Variants in ST3GAL1 observed in about 807,000 individuals in gnomAD.
The protein encoded by ST3GAL1 is ST3 beta-galactoside alpha-2,3-sialyltransferase 1, also known as CMP-N-acetylneuraminate-beta-galactosamide-alpha-2,3-sialyltransferase 1.
Under a neutral mutation model 34.1 loss-of-function variants are expected in ST3GAL1, and 16 were observed. That is an observed-to-expected ratio of 0.47 (90% CI 0.32 to 0.71). ST3GAL1 has a LOEUF of 0.71. Among genes scored for constraint, ST3GAL1 ranks in the 30% least tolerant of loss-of-function variants. The pLI is 0.04. For synonymous variants in ST3GAL1, 191 were observed against 184.7 expected, an observed-to-expected ratio of 1.03 and a Z score of -0.28; for missense variants, 353 against 447.4, an observed-to-expected ratio of 0.79 and a Z score of 1.90.
intron 1 of ST3GAL1, among the ~76,000 whole-genome samples, chr8:133,550,957 G>A (rs1440303356): frequency 6.6e-6 from 1 of 152,174 alleles, no homozygotes; most frequent in Non-Finnish European, 1.5e-5. Context: ...ACCACTCCTG[G>A]AGGAGCAGGG....
At chr8:133,568,892 C>G (rs1819482485) in intron 1 of ST3GAL1, among the ~76,000 whole-genome samples, 3 of 152,130 alleles carry the variant, frequency 2.0e-5, no homozygotes, top group African/African-American at 7.2e-5. Context: ...AGCTCACAGA[C>G]GACTTCATCC....
intron 2 of ST3GAL1, among the ~76,000 whole-genome samples, chr8:133,507,553 G>A (rs772000639): frequency 6.6e-6 from 1 of 152,208 alleles, no homozygotes. Context: ...TCTCGGGGTT[G>A]CTGGGAAAGT....
chr8:133,537,813 G>A (rs1359507187), intron 2 of ST3GAL1, among the ~76,000 whole-genome samples: 8 of 152,340 alleles, frequency 5.3e-5, no homozygotes, highest in Non-Finnish European at 1.0e-4. Flanking sequence ...CACAGGGCCC[G>A]GCTGTCTTGG....
At chr8:133,529,999 T>G (rs1185093667) in intron 2 of ST3GAL1, among the ~76,000 whole-genome samples, 5 of 152,250 alleles carry the variant, frequency 3.3e-5, no homozygotes, top group African/African-American at 1.2e-4. Context: ...TTGTTATTTA[T>G]TAGAAGTCTC....
intron 1 of ST3GAL1, among the ~76,000 whole-genome samples, chr8:133,552,378 A>G (rs1818888210): frequency 6.6e-6 from 1 of 152,220 alleles, no homozygotes; most frequent in African/African-American, 2.4e-5. Flanking sequence ...TGAGTGAGGA[A>G]TGGTGAGAGG....
At chr8:133,484,493 C>T (rs536572807) in intron 3 of ST3GAL1, among the ~76,000 whole-genome samples, 2 of 152,272 alleles carry the variant, frequency 1.3e-5, no homozygotes, top group East Asian at 1.9e-4. Flanking sequence ...AATGTCTAAA[C>T]GTTTCTTTCC....
intron 3 of ST3GAL1, among the ~76,000 whole-genome samples, chr8:133,479,943 A>C (rs1455999025): frequency 6.6e-6 from 1 of 152,222 alleles, no homozygotes; most frequent in Non-Finnish European, 1.5e-5. Flanking sequence ...GTGCTCTAGC[A>C]AGCGTGGGGC....
At chr8:133,505,888 A>C (rs753427360) in intron 2 of ST3GAL1, among the ~76,000 whole-genome samples, 2 of 152,200 alleles carry the variant, frequency 1.3e-5, no homozygotes, top group African/African-American at 2.4e-5. Flanking sequence ...GGCGTGAGCC[A>C]CTGCACTCAC....
At chr8:133,540,902 T>TATAGACATATAG (rs1818472325) in intron 2 of ST3GAL1, among the ~76,000 whole-genome samples, 2 of 133,898 alleles carry the variant, frequency 1.5e-5, no homozygotes, top group Admixed American at 7.5e-5. Flanking sequence ...TAGACATATA[T>TATAGACATATAG]ATAGACATAT....
chr8:133,544,059 T>C (rs1586657313), intron 2 of ST3GAL1: 1 of 152,246 alleles, frequency 6.6e-6, no homozygotes, highest in East Asian at 1.9e-4. Context: ...CAATTGGATC[T>C]TTTCTCATCA....
At position 133,556,705 on chromosome 8, in the gene ST3GAL1, C is replaced by T. The variant is rs1415560537; in HGVS notation, c.-581-10779G>A. Reference sequence around the variant, plus strand: ...AAAGAAAACTATTAGCCATGGAAACCTTGCACCCAAGGACACGGCTGACAT... The same window carrying T: ...AAAGAAAACTATTAGCCATGGAAACTTTGCACCCAAGGACACGGCTGACAT... On this transcript the variant is annotated intron_variant, in intron 1 of 9. Coordinates refer to ENST00000522652, the MANE Select transcript of ST3GAL1 (RefSeq NM_173344.3). This position sits in a 1 kb window ranked among gnomAD's most constrained non-coding sequence, Gnocchi z 8.9. 2.0e-5 allele frequency among the ~76,000 whole-genome samples: 3 copies of T among 152,162 alleles called. No individual in the cohort carries two copies. The highest frequency in any genetic ancestry group is 7.2e-5 in the African/African-American group (3 of 41,442).
chr8:133,546,401 T>G (rs915238877), intron 1 of ST3GAL1, among the ~76,000 whole-genome samples: 8 of 150,818 alleles, frequency 5.3e-5, no homozygotes, highest in African/African-American at 1.7e-4. Context: ...GAGAATTGCT[T>G]GAACCTGGGA....
At chr8:133,561,763 C>T (rs1374539263) in intron 1 of ST3GAL1, among the ~76,000 whole-genome samples, 1 of 152,040 alleles carries the variant, frequency 6.6e-6, no homozygotes, top group Non-Finnish European at 1.5e-5. Context: ...GGGCTCAAGG[C>T]CTAGATCTGC....
intron 3 of ST3GAL1, among the ~76,000 whole-genome samples, chr8:133,488,756 C>T (rs1261161522): frequency 6.6e-6 from 1 of 152,140 alleles, no homozygotes; most frequent in Non-Finnish European, 1.5e-5. Flanking sequence ...TGAGAGCCTC[C>T]CAGGCAGGGG....
chr8:133,539,183 G>A (rs995733775), intron 2 of ST3GAL1, among the ~76,000 whole-genome samples: 1 of 152,178 alleles, frequency 6.6e-6, no homozygotes, highest in South Asian at 2.1e-4. Context: ...AAGTGCCTTC[G>A]AAAATCCCAG....
intron 3 of ST3GAL1, among the ~76,000 whole-genome samples, chr8:133,491,997 G>A (rs926691842): frequency 5.3e-5 from 8 of 152,144 alleles, no homozygotes; most frequent in African/African-American, 1.4e-4. Context: ...TGGGAGGAGC[G>A]AAAACATGGG....
chr8:133,553,046 C>A (rs757501508), intron 1 of ST3GAL1, among the ~76,000 whole-genome samples: 9 of 152,092 alleles, frequency 5.9e-5, no homozygotes, highest in Non-Finnish European at 1.2e-4. Context: ...AACACAATAT[C>A]CCTTTGTGCT....
chr8:133,463,468 G>A lies in ST3GAL1; in HGVS notation c.684-9C>T, dbSNP rs368035549. 7 of 1,613,802 alleles carry A rather than the reference G, an allele frequency of 4.3e-6. No individual in the cohort carries two copies. The highest frequency in any genetic ancestry group is 5.1e-6 in the Non-Finnish European group (6 of 1,179,958). ...GAACCGGGATGTAGGTGCTGCAGTTGGAGAAAGAGAAGCTGGTTAATGGGG... is the reference window on the plus strand; with the variant it reads ...GAACCGGGATGTAGGTGCTGCAGTTAGAGAAAGAGAAGCTGGTTAATGGGG... On this transcript the variant is annotated splice_polypyrimidine_tract_variant and intron_variant, in intron 7 of 9. Coordinates refer to ENST00000522652, the MANE Select transcript of ST3GAL1 (RefSeq NM_173344.3).
intron 3 of ST3GAL1, among the ~76,000 whole-genome samples, chr8:133,482,509 G>C (rs1425219912): frequency 1.3e-5 from 2 of 152,230 alleles, no homozygotes; most frequent in Non-Finnish European, 2.9e-5. Flanking sequence ...TGCAGCTGCA[G>C]CCATGGCAGC....
Sources: gnomAD v4.1 joint callset for allele counts (sites outside exome capture counted in the v4.1 genomes callset) on GRCh38, gnomAD v4.1.1 for gene constraint, Gnocchi (gnomAD v3.1) non-coding constraint, MANE v1.5 for transcripts, NCBI Gene and HGNC (gene_info 2026-07-23, HGNC 2026-07-21) for gene names.